OR52E4: variants seen among roughly 807,000 people sequenced by gnomAD.
The protein encoded by OR52E4 is olfactory receptor 52E4.
For missense variants in OR52E4, 444 were observed against 383.8 expected (o/e 1.16, Z -1.31); for synonymous variants, 169 against 137.4 (o/e 1.23, Z -1.61).
intron 1 of OR52E4, among the ~76,000 whole-genome samples, chr11:5,882,795 A>G (rs1846982155): frequency 6.6e-6 from 1 of 151,918 alleles, no homozygotes; most frequent in Admixed American, 6.6e-5. Context: ...CTCTGATTCA[A>G]TTAAATGCTG....
chr11:5,883,725 A>T (rs576358532), intron 1 of OR52E4, among the ~76,000 whole-genome samples: 1 of 152,158 alleles, frequency 6.6e-6, no homozygotes, highest in South Asian at 2.1e-4. Context: ...AAATCTCACA[A>T]CATCATTTAC....
Position 5,884,752 on chromosome 11 carries a change from A to C in OR52E4, c.460A>C (p.Asn154His). Reference protein sequence around the residue: ...SILASVVVGRNLVLVTPFVFL... With the variant: ...SILASVVVGRHLVLVTPFVFL... ...CCTAGCTTCTGTGGTTGTTGGAAGAAATTTAGTTCTTGTAACCCCATTTGT... is the reference window on the plus strand; with the variant it reads ...CCTAGCTTCTGTGGTTGTTGGAAGACATTTAGTTCTTGTAACCCCATTTGT... Residue 154 changes from asparagine (N) to histidine (H), a missense_variant, in exon 2 of 2, where the codon AAT (asparagine) becomes CAT (histidine). Transcript: ENST00000641726. The C allele has an allele frequency of 6.2e-7, 1 of 1,613,602 alleles. No individual in the cohort carries two copies. Among genetic ancestry groups the C allele is most frequent in the East Asian group, 2.2e-5 (1 of 44,848 alleles).
In OR52E4 at chr11:5,886,322, G is replaced by C. The variant is rs1188724373; in HGVS notation, c.*1091G>C. 1 of 151,686 alleles carries C rather than the reference G, an allele frequency of 6.6e-6. No individual in the cohort carries two copies. Among genetic ancestry groups the C allele is most frequent in the Non-Finnish European group, 1.5e-5 (1 of 67,906 alleles). 9.4% of individuals were successfully genotyped at this position (151,686 alleles called of 1,614,324 possible). A position where few individuals can be genotyped will look rare whatever the true frequency, so the allele number is the denominator to read the frequency against. ...ATAAAGTAAGTCTTTGTGAATTTAG[G>C]GATATGAGAGACTACAGTGTGGGTA... is the stretch of plus-strand genomic sequence containing the variant. On this transcript the variant is annotated 3_prime_UTR_variant, in exon 2 of 2. Coordinates refer to ENST00000641726, the MANE Select transcript of OR52E4 (RefSeq NM_001005165.2).
chr11:5,882,520 G>A (rs889253997), intron 1 of OR52E4, among the ~76,000 whole-genome samples: 6 of 151,918 alleles, frequency 3.9e-5, no homozygotes, highest in South Asian at 2.1e-4. Flanking sequence ...TCAGCTTCTC[G>A]GGGACCAAGA....
chr11:5,884,983 T>A lies in OR52E4; in HGVS notation c.691T>A (p.Ser231Thr). 2 of 1,613,092 alleles carry A rather than the reference T, an allele frequency of 1.2e-6. No homozygotes were observed. ...LILRAVFRLP[S>T]QDVRLKAFNT... ...CCTTAGAGCTGTTTTTCGCCTTCCC[T>A]CTCAAGATGTCCGACTAAAGGCCTT... Residue 231 changes from serine to threonine, a missense_variant, in exon 2 of 2, where the codon TCT becomes ACT. Transcript: ENST00000641726.
rs1477501804 is a variant in OR52E4, at chr11:5,884,260, A to G, written c.-33A>G. 4.1e-6 allele frequency: 6 copies of G among 1,480,034 alleles called. No homozygotes were observed. Among genetic ancestry groups the G allele is most frequent in the Non-Finnish European group, 5.6e-6 (6 of 1,074,332 alleles). 91.7% of individuals were successfully genotyped at this position (1,480,034 alleles called of 1,614,324 possible). A position where few individuals can be genotyped will look rare whatever the true frequency, so the allele number is the denominator to read the frequency against. The stretch of plus-strand genomic sequence containing the variant: ...GACCTTAAAGAAAGTGAGATCCTTC[A>G]TACTTAGGAATTCAGTGACACTTGC... On this transcript the variant is annotated 5_prime_UTR_variant, in exon 2 of 2. Transcript: ENST00000641726.
In OR52E4 at chr11:5,884,197, AAG is replaced by A. The variant is rs1847001348; in HGVS notation, c.-74-19_-74-18del. The A allele has an allele frequency of 1.2e-6, 1 of 833,184 alleles. No homozygotes were observed. Among genetic ancestry groups the A allele is most frequent in the African/African-American group, 1.7e-5 (1 of 58,684 alleles). The allele number at this position is 833,184 out of a possible 1,614,324, so 51.6% of individuals were successfully genotyped here. A position where few individuals can be genotyped will look rare whatever the true frequency, so the allele number is the denominator to read the frequency against. On this transcript the variant is annotated intron_variant, in intron 1 of 1. Coordinates refer to ENST00000641726, the MANE Select transcript of OR52E4 (RefSeq NM_001005165.2). ...ATACCATTACCTCTAGCACACTGATAAGAGTCTTTCTGTTTCTTCAGGAACTT... is the reference window on the plus strand; with the variant it reads ...ATACCATTACCTCTAGCACACTGATAAGTCTTTCTGTTTCTTCAGGAACTT...
At position 5,884,361 on chromosome 11, in the gene OR52E4, C is replaced by A. The variant is rs771861092; in HGVS notation, c.69C>A (p.Asp23Glu). Residue 23 changes from aspartate to glutamate, a missense_variant, in exon 2 of 2, where the codon GAC becomes GAA. Coordinates refer to ENST00000641726, the MANE Select transcript of OR52E4 (RefSeq NM_001005165.2). ...TCCTGCTAGGAATACCAGGACTGGA[C>A]ACTTTACATATCTGGATTTCTTTCC... ...FFLLLGIPGL[D>E]TLHIWISFPF... 6.2e-7 allele frequency: 1 copy of A among 1,613,150 alleles called. No homozygotes were observed. Among genetic ancestry groups the A allele is most frequent in the Non-Finnish European group, 8.5e-7 (1 of 1,179,450 alleles).
chr11:5,884,706 C>T lies in OR52E4; in HGVS notation c.414C>T (p.Leu138=). ...ACCCTCTCCAGTACACCATGATCCTCACCAATAAAACCATCAGTATCCTAG... is the reference window on the plus strand; with the variant it reads ...ACCCTCTCCAGTACACCATGATCCTTACCAATAAAACCATCAGTATCCTAG... The part of the protein sequence containing the change: ...ICNPLQYTMI[L]TNKTISILAS... Residue 138 remains leucine, a synonymous_variant, in exon 2 of 2, where the codon CTC becomes CTT. Coordinates refer to ENST00000641726, the MANE Select transcript of OR52E4 (RefSeq NM_001005165.2). 6.2e-7 allele frequency: 1 copy of T among 1,613,648 alleles called. No homozygotes were observed. The highest frequency in any genetic ancestry group is 1.3e-5 in the African/African-American group (1 of 74,982).
At chr11:5,882,162 C>T (rs1846971509) in intron 1 of OR52E4, among the ~76,000 whole-genome samples, 1 of 152,002 alleles carries the variant, frequency 6.6e-6, no homozygotes, top group Non-Finnish European at 1.5e-5. Context: ...GGTTATTGGC[C>T]ATACACTGTC....
chr11:5,886,995 G>A lies in OR52E4; in HGVS notation c.*1764G>A, dbSNP rs984032926. On this transcript the variant is annotated 3_prime_UTR_variant, in exon 2 of 2. Coordinates refer to ENST00000641726, the MANE Select transcript of OR52E4 (RefSeq NM_001005165.2). ...TTGATTTTTGCAGCTTCTGCTTCAT[G>A]TACTTAACATTTTATGGGAACATAG... 1.3e-5 allele frequency: 2 copies of A among 151,970 alleles called. No homozygotes were observed. The highest frequency in any genetic ancestry group is 2.9e-5 in the Non-Finnish European group (2 of 67,988). The allele number at this position is 151,970 out of a possible 1,614,324, so 9.4% of individuals were successfully genotyped here.
Position 5,886,502 on chromosome 11 carries a change from C to G in OR52E4, c.*1271C>G, listed in dbSNP as rs1365515538. 1 of 151,928 alleles carries G rather than the reference C, an allele frequency of 6.6e-6. No individual in the cohort carries two copies. The allele number at this position is 151,928 out of a possible 1,614,324, so 9.4% of individuals were successfully genotyped here. On this transcript the variant is annotated 3_prime_UTR_variant, in exon 2 of 2. Transcript: ENST00000641726. ...TGAGACTTTATAAAACTTAGAAAAA[C>G]AATTAGGCTCAAGCTATGGTAAGCA...
In OR52E4 at chr11:5,885,526, T is replaced by G. The variant is rs1847030273; in HGVS notation, c.*295T>G. On this transcript the variant is annotated 3_prime_UTR_variant, in exon 2 of 2. Coordinates refer to ENST00000641726, the MANE Select transcript of OR52E4 (RefSeq NM_001005165.2). ...TAAACAAGGGTGATAGGTAGCTCCA[T>G]TTTTTTCCATATGTCTTCTCTCTAG... 2 of 252,058 alleles carry G rather than the reference T, an allele frequency of 7.9e-6. No homozygotes were observed. The highest frequency in any genetic ancestry group is 4.9e-5 in the Admixed American group (1 of 20,216). The allele number at this position is 252,058 out of a possible 1,614,324, so 15.6% of individuals were successfully genotyped here. A position where few individuals can be genotyped will look rare whatever the true frequency, so the allele number is the denominator to read the frequency against.
rs1488346809 is a variant in OR52E4 at position 5,880,732 on chromosome 11, G to T, written c.-75+18G>T. The T allele has an allele frequency of 6.6e-6, 1 of 152,188 alleles. No homozygotes were observed. Among genetic ancestry groups the T allele is most frequent in the African/African-American group, 2.4e-5 (1 of 41,434 alleles). 9.4% of individuals were successfully genotyped at this position (152,188 alleles called of 1,614,324 possible). The stretch of plus-strand genomic sequence containing the variant: ...TTACAGAGGTAAGAATGCTTGTGCA[G>T]GAGAAGTGAAAAGATACACAGGAGA... On this transcript the variant is annotated intron_variant, in intron 1 of 1. Coordinates refer to ENST00000641726, the MANE Select transcript of OR52E4 (RefSeq NM_001005165.2).
Position 5,886,317 on chromosome 11 carries a change from T to C in OR52E4, c.*1086T>C, listed in dbSNP as rs1847043505. The C allele has an allele frequency of 6.6e-6, 1 of 152,092 alleles. No individual in the cohort carries two copies. Among genetic ancestry groups the C allele is most frequent in the Non-Finnish European group, 1.5e-5 (1 of 67,984 alleles). 9.4% of individuals were successfully genotyped at this position (152,092 alleles called of 1,614,324 possible). A position where few individuals can be genotyped will look rare whatever the true frequency, so the allele number is the denominator to read the frequency against. ...CTCTGATAAAGTAAGTCTTTGTGAA[T>C]TTAGGGATATGAGAGACTACAGTGT... On this transcript the variant is annotated 3_prime_UTR_variant, in exon 2 of 2. Coordinates refer to ENST00000641726, the MANE Select transcript of OR52E4 (RefSeq NM_001005165.2).
At chr11:5,883,515 T>A (rs1037999516) in intron 1 of OR52E4, among the ~76,000 whole-genome samples, 20 of 151,834 alleles carry the variant, frequency 1.3e-4, no homozygotes, top group Admixed American at 7.2e-4. Context: ...TTTCTCTGAA[T>A]TACATCCATA....
At chr11:5,882,053 G>C (rs1001928692) in intron 1 of OR52E4, among the ~76,000 whole-genome samples, 3 of 152,048 alleles carry the variant, frequency 2.0e-5, no homozygotes, top group African/African-American at 7.2e-5. Flanking sequence ...TAATTGTTAT[G>C]AATTTGTCTT....
chr11:5,881,855 C>T (rs1237951733), intron 1 of OR52E4, among the ~76,000 whole-genome samples: 4 of 151,988 alleles, frequency 2.6e-5, no homozygotes, highest in Non-Finnish European at 5.9e-5. Context: ...GTTAAAGAAT[C>T]TGTCCAAGGG....
Position 5,884,543 on chromosome 11 carries a change from T to C in OR52E4, c.251T>C (p.Leu84Pro). 1 of 1,613,536 alleles carries C rather than the reference T, an allele frequency of 6.2e-7. No individual in the cohort carries two copies. The highest frequency in any genetic ancestry group is 8.5e-7 in the Non-Finnish European group (1 of 1,179,686). Residue 84 changes from leucine to proline, a missense_variant, in exon 2 of 2, where the codon CTA (leucine) becomes CCA (proline). By Grantham distance (98) the Leu-to-Pro change is moderately conservative. Coordinates refer to ENST00000641726, the MANE Select transcript of OR52E4 (RefSeq NM_001005165.2). The stretch of plus-strand genomic sequence containing the variant: ...TCCACATCCACTATCCCCAAAATGC[T>C]AGGAATCTTCTGGTTCAACCTCCAA... ...GLSTSTIPKM[L>P]GIFWFNLQEI...
Sources: allele counts gnomAD v4.1 joint callset (sites outside exome capture counted in the v4.1 genomes callset), GRCh38; gene constraint gnomAD v4.1.1; transcripts MANE v1.5; gene names NCBI Gene and HGNC (gene_info 2026-07-23, HGNC 2026-07-21).